B3GALT1: variants seen among roughly 807,000 people sequenced by gnomAD.
The protein encoded by B3GALT1 is UDP-Gal:betaGlcNAc beta 1,3-galactosyltransferase, polypeptide 1.
Under a neutral mutation model 23.2 loss-of-function variants are expected in B3GALT1, and 10 were observed. The ratio of observed to expected loss-of-function variants is 0.43; its 90% CI spans 0.27 to 0.73. B3GALT1 has a LOEUF of 0.73. B3GALT1 is among the 30% of genes least tolerant of loss of function. The pLI is 0.21. For missense variants in B3GALT1, 299 were observed against 405.4 expected, an observed-to-expected ratio of 0.74 and a Z score of 2.25; for synonymous variants, 156 against 141.5, an observed-to-expected ratio of 1.10 and a Z score of -0.73.
At chr2:167,737,151 G>GTA (rs1687506630) in intron 3 of B3GALT1, among the ~76,000 whole-genome samples, 1 of 152,190 alleles carries the variant, frequency 6.6e-6, no homozygotes, top group Non-Finnish European at 1.5e-5. Flanking sequence ...GGTGAAAAGA[G>GTA]TATGGCCTTA....
intron 1 of B3GALT1, among the ~76,000 whole-genome samples, chr2:167,406,982 A>G (rs1330903598): frequency 2.0e-5 from 3 of 152,196 alleles, no homozygotes; most frequent in Non-Finnish European, 4.4e-5. Flanking sequence ...GACATACCCT[A>G]TCTAATAGGC....
intron 2 of B3GALT1, among the ~76,000 whole-genome samples, chr2:167,573,204 A>G (rs898977011): frequency 3.3e-5 from 5 of 151,834 alleles, no homozygotes; most frequent in Non-Finnish European, 7.4e-5. Context: ...AAGAAAGATA[A>G]AAGCTCTTTT....
intron 4 of B3GALT1, among the ~76,000 whole-genome samples, chr2:167,866,807 T>A (rs1298099911): frequency 1.3e-5 from 2 of 152,180 alleles, no homozygotes; most frequent in Non-Finnish European, 2.9e-5. Flanking sequence ...AAAAGTAGAC[T>A]AAGAATCAGA....
intron 2 of B3GALT1, among the ~76,000 whole-genome samples, chr2:167,560,325 C>T (rs1437778603): frequency 6.6e-6 from 1 of 152,136 alleles, no homozygotes; most frequent in African/African-American, 2.4e-5. Context: ...TGGAAAGGCA[C>T]AACTGGTACC....
At chr2:167,413,791 T>C (rs992360251) in intron 1 of B3GALT1, among the ~76,000 whole-genome samples, 15 of 152,016 alleles carry the variant, frequency 9.9e-5, no homozygotes, top group African/African-American at 3.4e-4. Flanking sequence ...ATTAGGTTTT[T>C]TTCCTGTATT....
intron 3 of B3GALT1, among the ~76,000 whole-genome samples, chr2:167,725,882 G>A (rs1687304539): frequency 6.6e-6 from 1 of 152,168 alleles, no homozygotes; most frequent in Non-Finnish European, 1.5e-5. Context: ...CAATTAAAGT[G>A]ACAGTTGACT....
chr2:167,391,467 A>G (rs927337866), intron 1 of B3GALT1, among the ~76,000 whole-genome samples: 8 of 152,226 alleles, frequency 5.3e-5, no homozygotes, highest in African/African-American at 1.9e-4. Flanking sequence ...AAGAACACTT[A>G]TATGAATCAT....
chr2:167,719,514 A>G (rs1313280439), intron 3 of B3GALT1, among the ~76,000 whole-genome samples: 2 of 152,216 alleles, frequency 1.3e-5, no homozygotes, highest in Non-Finnish European at 2.9e-5. Context: ...ATCTGTTATA[A>G]TAGAATCCTA....
chr2:167,736,315 G>A (rs1392211949), intron 3 of B3GALT1, among the ~76,000 whole-genome samples: 2 of 152,142 alleles, frequency 1.3e-5, no homozygotes, highest in Non-Finnish European at 2.9e-5. Context: ...TAGCATTTCA[G>A]TGTAGCCCAA....
chr2:167,676,303 C>T (rs1258708949), intron 3 of B3GALT1, among the ~76,000 whole-genome samples: 1 of 151,952 alleles, frequency 6.6e-6, no homozygotes, highest in Non-Finnish European at 1.5e-5. Flanking sequence ...AACATTTATA[C>T]TCACAAAAAT....
At chr2:167,784,201 T>A (rs1346215904) in intron 3 of B3GALT1, among the ~76,000 whole-genome samples, 1 of 152,200 alleles carries the variant, frequency 6.6e-6, no homozygotes, top group Non-Finnish European at 1.5e-5. Context: ...ATCATCAGAA[T>A]ACCCAGCCAC....
intron 1 of B3GALT1, among the ~76,000 whole-genome samples, chr2:167,430,644 A>C (rs191087325): frequency 6.6e-6 from 1 of 152,186 alleles, no homozygotes; most frequent in East Asian, 1.9e-4. Context: ...AAAAAAGAGG[A>C]AGTGATGACC....
At chr2:167,655,379 A>G (rs1006170546) in intron 3 of B3GALT1, among the ~76,000 whole-genome samples, 2 of 152,200 alleles carry the variant, frequency 1.3e-5, no homozygotes, top group African/African-American at 2.4e-5. Flanking sequence ...GTAAAACTGA[A>G]GAAAGATCCT....
chr2:167,399,160 C>T (rs1159502), intron 1 of B3GALT1, among the ~76,000 whole-genome samples: 12,952 of 152,186 alleles, frequency 0.085, 871 homozygotes, highest in East Asian at 0.35. Flanking sequence ...TGATAGAATG[C>T]AGTTTGCTGC....
At chr2:167,768,025 G>A (rs1688007342) in intron 3 of B3GALT1, among the ~76,000 whole-genome samples, 1 of 152,036 alleles carries the variant, frequency 6.6e-6, no homozygotes, top group Non-Finnish European at 1.5e-5. Flanking sequence ...CAGGCAGACA[G>A]AGAAATCAAC....
At chr2:167,330,870 T>C (rs1294162553) in intron 1 of B3GALT1, among the ~76,000 whole-genome samples, 1 of 152,204 alleles carries the variant, frequency 6.6e-6, no homozygotes, top group Admixed American at 6.5e-5. Context: ...TGGATAATTA[T>C]TGTATTCCTT....
chr2:167,681,683 G>A (rs1686533910), intron 3 of B3GALT1, among the ~76,000 whole-genome samples: 2 of 152,168 alleles, frequency 1.3e-5, no homozygotes, highest in African/African-American at 2.4e-5. Flanking sequence ...CTTCCAATCA[G>A]TATCACAATT....
chr2:167,789,540 T>A (rs191586708), intron 3 of B3GALT1, among the ~76,000 whole-genome samples: 1 of 152,272 alleles, frequency 6.6e-6, no homozygotes, highest in African/African-American at 2.4e-5. Context: ...AATATAATAA[T>A]GATGATGGTG....
At chr2:167,625,380 T>G (rs1409219017) in intron 2 of B3GALT1, among the ~76,000 whole-genome samples, 3 of 151,916 alleles carry the variant, frequency 2.0e-5, no homozygotes, top group Admixed American at 6.6e-5. Context: ...TTCATTTATT[T>G]GGAGTACTTT....
Sources: gnomAD v4.1 joint callset for allele counts (sites outside exome capture counted in the v4.1 genomes callset) on GRCh38, gnomAD v4.1.1 for gene constraint, MANE v1.5 for transcripts, NCBI Gene and HGNC (gene_info 2026-07-23, HGNC 2026-07-21) for gene names.